COL9A1: variants seen among roughly 807,000 people sequenced by gnomAD.
The protein encoded by COL9A1 is collagen alpha-1(IX) chain.
Under a neutral mutation model 142.6 loss-of-function variants are expected in COL9A1, and 104 were observed. The observed-to-expected ratio is 0.73, with a 90% CI of 0.62 to 0.86. COL9A1 has a LOEUF of 0.86. Among genes scored for constraint, COL9A1 ranks in the 40% least tolerant of loss-of-function variants. The pLI is 0.00. For synonymous variants in COL9A1, 466 were observed against 396.0 expected (o/e 1.18, Z -2.10); for missense variants, 1,210 against 1,176.6 (o/e 1.03, Z -0.42).
rs971686852 is a variant in COL9A1 at position 70,296,315 on chromosome 6, A to T, written c.300-1752T>A. The stretch of plus-strand genomic sequence containing the variant: ...ATGGGATGAATTATTTTATCCATAC[A>T]TCTTTTTTTCACTGGTGACATGTAT... On this transcript the variant is annotated intron_variant, in intron 4 of 37. Coordinates refer to ENST00000357250, the MANE Select transcript of COL9A1 (RefSeq NM_001851.6). Among the ~76,000 whole-genome samples the T allele has an allele frequency of 2.0e-5, 3 of 152,220 alleles. No homozygotes were observed. In the East Asian group the frequency reaches 5.8e-4, roughly 29 times the overall value.
intron 10 of COL9A1, chr6:70,280,038 G>A: frequency 1.5e-6 from 1 of 689,290 alleles, no homozygotes; most frequent in Non-Finnish European, 2.7e-6. Flanking sequence ...ATTACATATT[G>A]TTAGAATGCA....
chr6:70,279,223 T>C (rs1165787983), intron 10 of COL9A1, among the ~76,000 whole-genome samples: 2 of 152,220 alleles, frequency 1.3e-5, no homozygotes, highest in Non-Finnish European at 2.9e-5. Context: ...TGTCAGACTC[T>C]TTTTATTATG....
In COL9A1 at chr6:70,294,530, G is replaced by A. The variant is rs141047907; in HGVS notation, c.333C>T (p.Tyr111=). The A allele has an allele frequency of 5.9e-5, 96 of 1,613,904 alleles. No individual in the cohort carries two copies. In the African/African-American group the frequency reaches 1.2e-3, roughly 21 times the overall value. The stretch of plus-strand genomic sequence containing the variant: ...TCATTCGAAACGTCGTCAAGAAGGA[G>A]TATTCTTCAGGCAGTCCACTGGGAT... ...NLYPSGLPEE[Y]SFLTTFRMTG... The change falls in exon 5 of 38, where the codon TAC becomes TAT. Residue 111 remains tyrosine, a synonymous_variant. Transcript: ENST00000357250.
At position 70,240,200 on chromosome 6, in the gene COL9A1, C is replaced by A. The variant is rs144497328; in HGVS notation, c.2079+489G>T. ...TTTCCTGGAGATTAGGCAACAGCCTCCTCTGGAGATGGAGGTCACTTTTTC... is the reference window on the plus strand; with the variant it reads ...TTTCCTGGAGATTAGGCAACAGCCTACTCTGGAGATGGAGGTCACTTTTTC... On this transcript the variant is annotated intron_variant, in intron 32 of 37. Transcript: ENST00000357250. Among the ~76,000 whole-genome samples, 187 of 152,280 alleles carry A rather than the reference C, an allele frequency of 1.2e-3. 1 individual carries two copies. Among genetic ancestry groups the A allele is most frequent in the African/African-American group, 4.3e-3 (180 of 41,576 alleles).
At chr6:70,287,703 A>G (rs938930724) in intron 5 of COL9A1, among the ~76,000 whole-genome samples, 5 of 152,130 alleles carry the variant, frequency 3.3e-5, no homozygotes, top group African/African-American at 1.2e-4. Context: ...TCTTTTCTCA[A>G]GATCACTCTC....
intron 4 of COL9A1, among the ~76,000 whole-genome samples, chr6:70,296,203 G>C (rs1215725748): frequency 1.3e-5 from 2 of 151,956 alleles, no homozygotes; most frequent in East Asian, 3.9e-4. Context: ...ATAACAAAAA[G>C]GTTAACTTTT....
downstream of COL9A1, chr6:70,215,101 G>A (rs1050296922): frequency 6.6e-6 from 1 of 152,058 alleles, no homozygotes; most frequent in Non-Finnish European, 1.5e-5. Flanking sequence ...CACAGCTCCT[G>A]AAAAAGTTTG....
At chr6:70,282,812 CT>C in intron 7 of COL9A1, 85 bp downstream of exon 7, 1 of 1,603,066 alleles carries the variant, frequency 6.2e-7, no homozygotes, top group Non-Finnish European at 8.5e-7. Context: ...TGCTCCGCGC[CT>C]TTCTCACAGC....
At position 70,278,419 on chromosome 6, in the gene COL9A1, A is replaced by G. The variant is rs193007580; in HGVS notation, c.975+2393T>C. On this transcript the variant is annotated intron_variant, in intron 10 of 37. Coordinates refer to ENST00000357250, the MANE Select transcript of COL9A1 (RefSeq NM_001851.6). ...TGTTTCCTTATTTATGGAAAGTAAT[A>G]TTAGACTAATCTACTTTCCAGGTTA... 2.3e-4 allele frequency among the ~76,000 whole-genome samples: 35 copies of G among 152,392 alleles called. 1 individual carries two copies. In the East Asian group the frequency reaches 6.7e-3, roughly 29 times the overall value.
At chr6:70,290,945 A>C (rs1300415322) in intron 5 of COL9A1, among the ~76,000 whole-genome samples, 1 of 152,094 alleles carries the variant, frequency 6.6e-6, no homozygotes, top group Admixed American at 6.6e-5. Context: ...AATATTTGCC[A>C]TCTCCAAATT....
intron 26 of COL9A1, among the ~76,000 whole-genome samples, chr6:70,252,774 A>G (rs192323894): frequency 6.6e-5 from 10 of 152,332 alleles, no homozygotes; most frequent in Non-Finnish European, 1.3e-4. Context: ...GGGAAAGCAC[A>G]TGTCTGGAGA....
At chr6:70,291,412 C>T (rs112305404) in intron 5 of COL9A1, among the ~76,000 whole-genome samples, 164 of 152,184 alleles carry the variant, frequency 1.1e-3, no homozygotes, top group African/African-American at 3.3e-3. Flanking sequence ...CTCATGCCTC[C>T]CTGCTCTTAT....
chr6:70,230,395 A>T (rs1769469883), intron 36 of COL9A1, among the ~76,000 whole-genome samples: 1 of 152,222 alleles, frequency 6.6e-6, no homozygotes, highest in Non-Finnish European at 1.5e-5. Flanking sequence ...AAGGAATCTG[A>T]TAACGAGAAA....
At position 70,303,028 on chromosome 6, in the gene COL9A1, G is replaced by T; in HGVS notation, c.-104C>A. 7.9e-7 allele frequency: 1 copy of T among 1,260,748 alleles called. No individual in the cohort carries two copies. Among genetic ancestry groups the T allele is most frequent in the Non-Finnish European group, 1.2e-6 (1 of 858,490 alleles). The allele number at this position is 1,260,748 out of a possible 1,614,324, so 78.1% of individuals were successfully genotyped here. On this transcript the variant is annotated 5_prime_UTR_variant, in exon 1 of 38. Coordinates refer to ENST00000357250, the MANE Select transcript of COL9A1 (RefSeq NM_001851.6). Reference sequence around the variant, plus strand: ...CCCTTCACTGTTACCCTAGGACTATGTGTTCTGGGCCCAGCCTTGGTCCCT... The same window carrying T: ...CCCTTCACTGTTACCCTAGGACTATTTGTTCTGGGCCCAGCCTTGGTCCCT...
chr6:70,289,294 T>A (rs917251095), intron 5 of COL9A1, among the ~76,000 whole-genome samples: 1 of 152,194 alleles, frequency 6.6e-6, no homozygotes, highest in Non-Finnish European at 1.5e-5. Flanking sequence ...AATAGCACAC[T>A]GATTTTTTTT....
Position 70,251,714 on chromosome 6 carries a change from G to T in COL9A1, c.1872+406C>A, listed in dbSNP as rs1770958322. On this transcript the variant is annotated intron_variant, in intron 28 of 37. Coordinates refer to ENST00000357250, the MANE Select transcript of COL9A1 (RefSeq NM_001851.6). ...AATGATGGATGACTGCAGGTGGGAGGTGGGTATAAGATTCTTTTTTTAGGT... is the reference window on the plus strand; with the variant it reads ...AATGATGGATGACTGCAGGTGGGAGTTGGGTATAAGATTCTTTTTTTAGGT... 2.0e-5 allele frequency among the ~76,000 whole-genome samples: 3 copies of T among 152,134 alleles called. No homozygotes were observed. In the South Asian group the frequency reaches 6.2e-4, roughly 32 times the overall value.
intron 12 of COL9A1, among the ~76,000 whole-genome samples, chr6:70,273,635 A>G (rs1772547962): frequency 6.6e-6 from 1 of 152,190 alleles, no homozygotes; most frequent in Non-Finnish European, 1.5e-5. Context: ...ATATCTGATT[A>G]GTCGATATTT....
In COL9A1 at chr6:70,253,215, T is replaced by G. The variant is rs112089489; in HGVS notation, c.1764+170A>C. ...GCATTTTGTCAAAGTATGCTTTCTG[T>G]AGCTAGGAAAAAGATTAGTATTTGA... On this transcript the variant is annotated intron_variant, in intron 26 of 37. Transcript: ENST00000357250. 391 of 534,092 alleles carry G rather than the reference T, an allele frequency of 7.3e-4. 2 individuals are homozygous for G. Among genetic ancestry groups the G allele is most frequent in the African/African-American group, 6.8e-3 (356 of 52,418 alleles). The allele number at this position is 534,092 out of a possible 1,614,324, so 33.1% of individuals were successfully genotyped here.
chr6:70,249,943 T>A (rs903505032), intron 28 of COL9A1, among the ~76,000 whole-genome samples: 1 of 152,164 alleles, frequency 6.6e-6, no homozygotes, highest in South Asian at 2.1e-4. Context: ...TTCCTTTAAC[T>A]ATATAGAGCT....
Sources: allele counts gnomAD v4.1 joint callset (sites outside exome capture counted in the v4.1 genomes callset), GRCh38; gene constraint gnomAD v4.1.1; transcripts MANE v1.5; gene names NCBI Gene and HGNC (gene_info 2026-07-23, HGNC 2026-07-21).